RRP12: variants seen among roughly 807,000 people sequenced by gnomAD.
The protein encoded by RRP12 is ribosomal RNA processing 12 homolog, also known as RRP12-like protein.
A neutral mutation model predicts 157.3 loss-of-function variants in RRP12; 78 were observed. The observed-to-expected ratio is 0.50, with a 90% confidence interval of 0.41 to 0.60. RRP12 has a LOEUF of 0.60. RRP12 is among the 20% of genes least tolerant of loss of function. The pLI is 0.00. For missense variants in RRP12, 1,521 were observed against 1,679.9 expected (o/e 0.91, Z 1.65); for synonymous variants, 726 against 670.9 (o/e 1.08, Z -1.27).
rs756483726 is a variant in RRP12, at chr10:97,400,426, G to GC, written c.247dup (p.Ala83GlyfsTer51). Reference sequence around the variant, plus strand: ...GGACTTCTCGGTGAGAACCAGCTCCGCCTCTTCTTCCATGGGCGTCTCCGG... The same window carrying GC: ...GGACTTCTCGGTGAGAACCAGCTCCGCCCTCTTCTTCCATGGGCGTCTCCGG... On this transcript the variant is annotated frameshift_variant, in exon 2 of 34. Coordinates refer to ENST00000370992, the MANE Select transcript of RRP12 (RefSeq NM_015179.4). LOFTEE classifies it high-confidence loss of function. 6.2e-7 allele frequency: 1 copy of GC among 1,614,056 alleles called. No individual in the cohort carries two copies. Among genetic ancestry groups the GC allele is most frequent in the South Asian group, 1.1e-5 (1 of 91,068 alleles).
chr10:97,376,318 G>C (rs573932237), intron 15 of RRP12, among the ~76,000 whole-genome samples: 10 of 141,756 alleles, frequency 7.1e-5, no homozygotes, highest in Admixed American at 1.5e-4. Context: ...GGGTGCAAAC[G>C]ATTGTCCTGC....
chr10:97,390,509 T>C lies in RRP12; in HGVS notation c.667A>G (p.Lys223Glu). 6.2e-7 allele frequency: 1 copy of C among 1,613,948 alleles called. No individual in the cohort carries two copies. Among genetic ancestry groups the C allele is most frequent in the Non-Finnish European group, 8.5e-7 (1 of 1,179,950 alleles). The change falls in exon 6 of 34, where the codon AAG becomes GAG. Residue 223 changes from lysine to glutamate, a missense_variant. Lys to Glu is a moderately conservative substitution (Grantham distance 56, BLOSUM62 1). Coordinates refer to ENST00000370992, the MANE Select transcript of RRP12 (RefSeq NM_015179.4). The stretch of plus-strand genomic sequence containing the variant: ...TAGCCCCAGGCCTCCAGGTCTTGCT[T>C]CCGCAGAAGGGTGGCCAGGCAGGAA... ...VLSCLATLLR[K>E]QDLEAWGYPV...
intron 6 of RRP12, among the ~76,000 whole-genome samples, chr10:97,388,919 C>T (rs1238066131): frequency 3.9e-5 from 6 of 152,206 alleles, no homozygotes; most frequent in Non-Finnish European, 5.9e-5. Context: ...GGGGTTTCTT[C>T]ATTCACTTAA....
intron 25 of RRP12, 34 bp from the exon 26 acceptor site, chr10:97,367,166 G>A (rs2297990): frequency 0.061 from 96,739 of 1,582,372 alleles, 3,278 homozygotes; most frequent in East Asian, 0.11. Context: ...TCAGGGAGGC[G>A]AGCCTTCCAT....
chr10:97,371,500 G>A (rs1027662719), intron 20 of RRP12: 2 of 212,920 alleles, frequency 9.4e-6, no homozygotes, highest in African/African-American at 2.3e-5. Context: ...CTGAGGTGAC[G>A]TGGCCTGGCC....
chr10:97,383,064 C>CT (rs1197799849), intron 10 of RRP12, among the ~76,000 whole-genome samples: 1 of 152,108 alleles, frequency 6.6e-6, no homozygotes, highest in African/African-American at 2.4e-5. Flanking sequence ...GCCAGGCCCA[C>CT]TTTGATTGTT....
intron 8 of RRP12, among the ~76,000 whole-genome samples, chr10:97,387,196 T>A (rs1044866431): frequency 5.3e-5 from 8 of 152,186 alleles, no homozygotes; most frequent in African/African-American, 1.9e-4. Flanking sequence ...ATAAATGCTA[T>A]GTAAATAGTT....
At chr10:97,358,128 ATCGAGACCATCC>A (rs1434331608) in intron 33 of RRP12, among the ~76,000 whole-genome samples, 6 of 151,998 alleles carry the variant, frequency 3.9e-5, no homozygotes, top group Non-Finnish European at 8.8e-5. Context: ...AGGTCAAGAG[ATCGAGACCATCC>A]CAGCCAACGC....
At chr10:97,379,939 C>T (rs900768689) in intron 13 of RRP12, among the ~76,000 whole-genome samples, 169 bp from the exon 14 acceptor site, 12 of 152,092 alleles carry the variant, frequency 7.9e-5, no homozygotes, top group African/African-American at 2.7e-4. Flanking sequence ...ATCCCAGGGC[C>T]TAGGATTTTA....
At chr10:97,365,848 C>T (rs1254207854) in intron 29 of RRP12, 2 of 427,854 alleles carry the variant, frequency 4.7e-6, no homozygotes, top group East Asian at 1.0e-4. Context: ...AAGAGACTAA[C>T]AGCGTATCAC....
chr10:97,364,485 G>A (rs1353568169), intron 29 of RRP12, among the ~76,000 whole-genome samples: 4 of 152,318 alleles, frequency 2.6e-5, no homozygotes, highest in East Asian at 3.9e-4. Context: ...CTGGGAGGCC[G>A]AGGAGGGAGG....
rs907360764 is a variant in RRP12, at chr10:97,388,604, A to G, written c.774T>C (p.His258=). The G allele has an allele frequency of 2.5e-6, 4 of 1,614,174 alleles. No individual in the cohort carries two copies. In the Admixed American group the frequency reaches 6.7e-5, roughly 27 times the overall value. The change falls in exon 7 of 34, where the codon CAT becomes CAC. Residue 258 remains histidine, a synonymous_variant. Coordinates refer to ENST00000370992, the MANE Select transcript of RRP12 (RefSeq NM_015179.4). The part of the protein sequence containing the change: ...PKPKIRKAAQ[H]GVCSVLKGSE... ...TGCCCTTGAGGACTGAGCATACTCC[A>G]TGCTGGGCAGCCTTCCGGATCTGAG...
chr10:97,377,862 G>GA lies in RRP12; in HGVS notation c.1798+1430dup, dbSNP rs953228772. ...TTCATCTCAAAAAAAAAAAAAAAAA[G>GA]AAAAAAAAAGAAAATTTATTTACAA... On this transcript the variant is annotated intron_variant, in intron 15 of 33. Transcript: ENST00000370992. Among the ~76,000 whole-genome samples, 16 of 141,202 alleles carry GA rather than the reference G, an allele frequency of 1.1e-4. No individual in the cohort carries two copies. The South Asian group carries it at 1.6e-3, about 14-fold the overall frequency. 92.6% of individuals were successfully genotyped at this position (141,202 alleles called of 152,430 possible).
chr10:97,373,599 G>A lies in RRP12; in HGVS notation c.2002C>T (p.Leu668Phe). Residue 668 changes from leucine to phenylalanine, a missense_variant, in exon 17 of 34, where the codon CTC (leucine) becomes TTC (phenylalanine). By Grantham distance (22) the Leu-to-Phe change is conservative (BLOSUM62 0). Coordinates refer to ENST00000370992, the MANE Select transcript of RRP12 (RefSeq NM_015179.4). Reference sequence around the variant, plus strand: ...CCTGCCTGGCAGCCCTTGGTGATGAGGGTGCGCAGGGCCTGGCACACGGTG... The same window carrying A: ...CCTGCCTGGCAGCCCTTGGTGATGAAGGTGCGCAGGGCCTGGCACACGGTG... ...RVTVCQALRTLITKGCQAEAD... is the reference protein window; with the variant it reads ...RVTVCQALRTFITKGCQAEAD... The A allele has an allele frequency of 3.1e-6, 5 of 1,607,852 alleles. No homozygotes were observed. Among genetic ancestry groups the A allele is most frequent in the Non-Finnish European group, 4.3e-6 (5 of 1,176,202 alleles).
At chr10:97,392,269 C>T (rs966911967) in intron 4 of RRP12, among the ~76,000 whole-genome samples, 2 of 152,018 alleles carry the variant, frequency 1.3e-5, no homozygotes, top group Non-Finnish European at 2.9e-5. Flanking sequence ...CCACACCCAG[C>T]CAAGTATACT....
In RRP12 at chr10:97,381,406, T is replaced by C. The variant is rs754729437; in HGVS notation, c.1398A>G (p.Gln466=). The change falls in exon 12 of 34, where the codon CAA becomes CAG. Residue 466 remains glutamine, a synonymous_variant. Coordinates refer to ENST00000370992, the MANE Select transcript of RRP12 (RefSeq NM_015179.4). Reference sequence around the variant, plus strand: ...CTCACCTGAACATCTTGGCAACAGATTGGGCAGGGCCTGAGGCCGAGGAGG... The same window carrying C: ...CTCACCTGAACATCTTGGCAACAGACTGGGCAGGGCCTGAGGCCGAGGAGG... ...SVTSSASGPA[Q]SVAKMFRAVE... 17 of 1,611,528 alleles carry C rather than the reference T, an allele frequency of 1.1e-5. No individual in the cohort carries two copies. The highest frequency in any genetic ancestry group is 2.2e-5 in the South Asian group (2 of 90,712).
chr10:97,374,083 C>T (rs1196936230), intron 15 of RRP12, among the ~76,000 whole-genome samples, 189 bp from the exon 16 acceptor site: 1 of 152,168 alleles, frequency 6.6e-6, no homozygotes, highest in Admixed American at 6.5e-5. Context: ...AGAAAGCAAA[C>T]GTCTCTCCAT....
chr10:97,393,565 A>G (rs1171576089), intron 4 of RRP12, 119 bp downstream of exon 4: 2 of 838,832 alleles, frequency 2.4e-6, no homozygotes, highest in South Asian at 1.5e-5. Context: ...CCTCTAGACA[A>G]TGTTCATGAA....
intron 23 of RRP12, 65 bp from the exon 24 acceptor site, chr10:97,370,339 G>C (rs1376978815): frequency 1.4e-6 from 2 of 1,398,240 alleles, no homozygotes; most frequent in Non-Finnish European, 2.0e-6. Flanking sequence ...CTGAGGGCCA[G>C]AGAGGAGCAG....
Sources: allele counts gnomAD v4.1 joint callset (sites outside exome capture counted in the v4.1 genomes callset), GRCh38; gene constraint gnomAD v4.1.1; transcripts MANE v1.5; gene names NCBI Gene and HGNC (gene_info 2026-07-23, HGNC 2026-07-21).